Variants in CDH18 observed in about 807,000 individuals in gnomAD.
CDH18 encodes the protein cadherin-18.
In CDH18, 31 loss-of-function variants were observed where a neutral mutation model predicts 67.9. The observed-to-expected ratio is 0.46, with a 90% confidence interval of 0.34 to 0.62. The LOEUF (loss-of-function observed/expected upper bound fraction) is 0.62, where lower values mean the gene tolerates loss of function less well. Among genes scored for constraint, CDH18 ranks in the 20% least tolerant of loss-of-function variants. The pLI, the probability that CDH18 is intolerant of heterozygous loss-of-function variation, is 0.01. For missense variants in CDH18, 890 were observed against 975.5 expected (o/e 0.91, Z 1.17); for synonymous variants, 362 against 347.2 (o/e 1.04, Z -0.48).
intron 9 of CDH18, among the ~76,000 whole-genome samples, chr5:19,531,202 A>G (rs1377022045): frequency 1.3e-5 from 2 of 152,238 alleles, no homozygotes; most frequent in Non-Finnish European, 2.9e-5. Flanking sequence ...ATGTGAATAT[A>G]TTCAAAAAAA....
intron 9 of CDH18, among the ~76,000 whole-genome samples, chr5:19,542,266 G>A (rs347748): frequency 0.1 from 15,617 of 152,058 alleles, 1,141 homozygotes; most frequent in African/African-American, 0.21. Context: ...ATAATAAAAA[G>A]ACATATAGTA....
chr5:19,625,601 T>C (rs902398960), intron 5 of CDH18, among the ~76,000 whole-genome samples: 7 of 152,198 alleles, frequency 4.6e-5, no homozygotes, highest in African/African-American at 1.7e-4. Context: ...CATTGGCTGT[T>C]TTCCTACTCA....
chr5:19,676,768 C>T (rs1415952318), intron 5 of CDH18, among the ~76,000 whole-genome samples: 1 of 151,964 alleles, frequency 6.6e-6, no homozygotes, highest in African/African-American at 2.4e-5. Context: ...GCAAGAAGCA[C>T]ACTGTGCATG....
At position 20,137,859 on chromosome 5, in the gene CDH18, A is replaced by T. The variant is rs571123199; in HGVS notation, c.-518+117585T>A. ...CAAAAAAAAGTCCAGGATCATATGG[A>T]TTCACAGCCGAATTCCATCAGAGGT... On this transcript the variant is annotated intron_variant, in intron 2 of 14. Transcript: ENST00000507958. Among the ~76,000 whole-genome samples the T allele has an allele frequency of 2.6e-5, 4 of 152,194 alleles. No homozygotes were observed. In the East Asian group the frequency reaches 7.7e-4, roughly 29 times the overall value.
intron 5 of CDH18, among the ~76,000 whole-genome samples, chr5:19,623,791 A>G (rs2150150736): frequency 6.6e-6 from 1 of 151,526 alleles, no homozygotes; most frequent in Non-Finnish European, 1.5e-5. Context: ...AAGTATATAC[A>G]TATATCAATG....
At chr5:19,548,246 G>A (rs1736685580) in intron 8 of CDH18, among the ~76,000 whole-genome samples, 1 of 151,498 alleles carries the variant, frequency 6.6e-6, no homozygotes, top group Non-Finnish European at 1.5e-5. Context: ...ATTTGCCTAG[G>A]TGACATAGGT....
intron 5 of CDH18, among the ~76,000 whole-genome samples, chr5:19,652,044 TAAC>T (rs1163556261): frequency 7.2e-5 from 11 of 152,038 alleles, no homozygotes; most frequent in African/African-American, 2.4e-4. Flanking sequence ...ATGTTACTAC[TAAC>T]ATTTTATGTA....
At chr5:20,113,046 T>C (rs1747608618) in intron 2 of CDH18, among the ~76,000 whole-genome samples, 1 of 152,224 alleles carries the variant, frequency 6.6e-6, no homozygotes. Context: ...TTCTCTGTTC[T>C]TGGAGACCCA....
chr5:20,567,612 C>A (rs2126663690), intron 1 of CDH18, among the ~76,000 whole-genome samples: 1 of 152,186 alleles, frequency 6.6e-6, no homozygotes, highest in East Asian at 1.9e-4. Context: ...ACAAGGGAAG[C>A]AAATAGAAAA....
chr5:20,032,131 G>T (rs1482739337), intron 2 of CDH18, among the ~76,000 whole-genome samples: 1 of 151,904 alleles, frequency 6.6e-6, no homozygotes, highest in East Asian at 1.9e-4. Flanking sequence ...CAGTATGTAT[G>T]TAGCAGTTAA....
At chr5:19,752,793 C>T (rs891477509) in intron 3 of CDH18, among the ~76,000 whole-genome samples, 1 of 152,184 alleles carries the variant, frequency 6.6e-6, no homozygotes, top group African/African-American at 2.4e-5. Context: ...TTCCTGCCAC[C>T]TCCACCAGAA....
At chr5:19,650,446 G>T (rs1755406295) in intron 5 of CDH18, among the ~76,000 whole-genome samples, 1 of 151,940 alleles carries the variant, frequency 6.6e-6, no homozygotes, top group Non-Finnish European at 1.5e-5. Context: ...AATTGATAGG[G>T]CTCAATAAAT....
chr5:19,789,470 G>A (rs1006417898), intron 3 of CDH18, among the ~76,000 whole-genome samples: 21 of 151,914 alleles, frequency 1.4e-4, no homozygotes, highest in African/African-American at 9.7e-5. Flanking sequence ...TCCATGTTCC[G>A]CAGCCATTAA....
chr5:19,929,550 C>A (rs765109355), intron 2 of CDH18, among the ~76,000 whole-genome samples: 1 of 152,070 alleles, frequency 6.6e-6, no homozygotes, highest in Non-Finnish European at 1.5e-5. Context: ...TATTTTCATA[C>A]CCTTGCAATT....
intron 5 of CDH18, among the ~76,000 whole-genome samples, chr5:19,695,513 A>T (rs1259016722): frequency 6.6e-6 from 1 of 152,122 alleles, no homozygotes; most frequent in Non-Finnish European, 1.5e-5. Flanking sequence ...CTAAAAATGC[A>T]TTAGAGGTTT....
chr5:19,655,986 CTTT>C (rs963093504), intron 5 of CDH18, among the ~76,000 whole-genome samples: 3 of 103,672 alleles, frequency 2.9e-5, no homozygotes, highest in Non-Finnish European at 3.9e-5. Context: ...CTACTCACTT[CTTT>C]TTTTTTTTTT....
Position 20,417,239 on chromosome 5 carries a change from G to A in CDH18, c.-580+158223C>T, listed in dbSNP as rs148977836. Among the ~76,000 whole-genome samples the A allele has an allele frequency of 7.1e-3, 1,087 of 152,108 alleles. 10 individuals carry two copies. The highest frequency in any genetic ancestry group is 0.025 in the African/African-American group (1,025 of 41,536). ...TAATAACGTAGCTGTTCTGTTGCCCGAAAGTATGTATTATAAATATAACAG... is the reference window on the plus strand; with the variant it reads ...TAATAACGTAGCTGTTCTGTTGCCCAAAAGTATGTATTATAAATATAACAG... On this transcript the variant is annotated intron_variant, in intron 1 of 14. Transcript: ENST00000507958.
intron 1 of CDH18, among the ~76,000 whole-genome samples, chr5:20,280,586 T>A (rs571988711): frequency 6.6e-6 from 1 of 152,222 alleles, no homozygotes; most frequent in Non-Finnish European, 1.5e-5. Context: ...ATGTGCCACA[T>A]TTTCTTAATC....
intron 1 of CDH18, among the ~76,000 whole-genome samples, chr5:20,406,154 T>C (rs1193716859): frequency 3.3e-5 from 5 of 152,156 alleles, no homozygotes; most frequent in African/African-American, 9.7e-5. Context: ...TGCAGCACTA[T>C]TGACAATAGC....
Sources: allele counts gnomAD v4.1 joint callset (sites outside exome capture counted in the v4.1 genomes callset), GRCh38; gene constraint gnomAD v4.1.1; transcripts MANE v1.5; gene names NCBI Gene and HGNC (gene_info 2026-07-23, HGNC 2026-07-21).